The following PSME4 variants were observed in gnomAD, a reference collection of about 807,000 sequenced individuals.
The protein encoded by PSME4 is proteasome activator complex subunit 4.
A neutral mutation model predicts 253.9 loss-of-function variants in PSME4; 89 were observed. The ratio of observed to expected loss-of-function variants is 0.35; its 90% CI spans 0.30 to 0.42. PSME4 has a LOEUF of 0.42. Ranked by LOEUF, PSME4 falls within the 10% of genes least tolerant of loss-of-function variation. The probability of loss-of-function intolerance (pLI) is 1.00; values close to 1 mark genes in which losing one functional copy is unlikely to be tolerated. For synonymous variants in PSME4, 851 were observed against 759.2 expected, an observed-to-expected ratio of 1.12 and a Z score of -1.99; for missense variants, 2,014 against 2,195.2, an observed-to-expected ratio of 0.92 and a Z score of 1.65.
chr2:53,908,653 A>C (rs911895460), intron 22 of PSME4, 88 bp from the exon 23 acceptor site: 1 of 1,482,292 alleles, frequency 6.7e-7, no homozygotes, highest in African/African-American at 1.4e-5. Context: ...TCTATTAAGA[A>C]AAAAAATCAC....
rs370163648 is a variant in PSME4, at chr2:53,926,866, C to G, written c.1593+528G>C. 1.9e-4 allele frequency among the ~76,000 whole-genome samples: 29 copies of G among 150,658 alleles called. No individual in the cohort carries two copies. The East Asian group carries it at 5.7e-3, about 30-fold the overall frequency. ...GTGCATGCCTGTAGTCCCAGCTACTCGGGAGGCTGAGGCAGGAGAATTGCT... is the reference window on the plus strand; with the variant it reads ...GTGCATGCCTGTAGTCCCAGCTACTGGGGAGGCTGAGGCAGGAGAATTGCT... On this transcript the variant is annotated intron_variant, in intron 12 of 46. Transcript: ENST00000404125.
intron 7 of PSME4, among the ~76,000 whole-genome samples, chr2:53,935,400 G>A (rs1043847251): frequency 6.6e-6 from 1 of 152,134 alleles, no homozygotes; most frequent in African/African-American, 2.4e-5. Context: ...CTACTCCCCA[G>A]CTTTGCTCTA....
chr2:53,927,217 T>C (rs913647707), intron 12 of PSME4, among the ~76,000 whole-genome samples, 177 bp downstream of exon 12: 6 of 152,216 alleles, frequency 3.9e-5, no homozygotes, highest in African/African-American at 1.4e-4. Context: ...CCACCTCCTG[T>C]GGTGGGTGCT....
Position 53,936,772 on chromosome 2 carries a change from A to T in PSME4, c.751T>A (p.Trp251Arg). The T allele has an allele frequency of 6.3e-7, 1 of 1,590,844 alleles. No individual in the cohort carries two copies. Among genetic ancestry groups the T allele is most frequent in the Non-Finnish European group, 8.6e-7 (1 of 1,168,566 alleles). ...LWVSVQNLPQ[W>R]EGQLVNLFAR... ...GAAAAAGGGATACTTACCCCCTCCC[A>T]TTGTGGGAGATTTTGCACTGAAACC... Residue 251 changes from tryptophan (W) to arginine (R), a missense_variant, in exon 6 of 47, where the codon TGG becomes AGG. Physicochemically the swap from Trp to Arg is moderately radical, Grantham distance 101 (BLOSUM62 -3). Transcript: ENST00000404125.
intron 24 of PSME4, 75 bp downstream of exon 24, chr2:53,908,245 G>C: frequency 1.7e-6 from 2 of 1,201,878 alleles, no homozygotes; most frequent in East Asian, 4.9e-5. Flanking sequence ...TCTATATGCT[G>C]AATAATACCC....
intron 20 of PSME4, among the ~76,000 whole-genome samples, chr2:53,910,873 T>A (rs1667800671): frequency 6.6e-6 from 1 of 152,200 alleles, no homozygotes; most frequent in Non-Finnish European, 1.5e-5. Flanking sequence ...TGAGATTTAA[T>A]TCAAAGCTTT....
intron 20 of PSME4, among the ~76,000 whole-genome samples, chr2:53,914,276 A>T (rs1446860601): frequency 3.9e-5 from 6 of 152,152 alleles, no homozygotes; most frequent in African/African-American, 1.4e-4. Context: ...ATTAATGATG[A>T]TTTCAGGATT....
intron 1 of PSME4, among the ~76,000 whole-genome samples, chr2:53,968,717 G>A (rs1442277663): frequency 3.3e-5 from 5 of 152,064 alleles, no homozygotes; most frequent in Admixed American, 3.3e-4. Context: ...TGGGTTCATG[G>A]GTATTAAGCC....
chr2:53,965,670 G>GTT (rs200690643), intron 1 of PSME4, among the ~76,000 whole-genome samples: 1,629 of 139,272 alleles, frequency 0.012, 40 homozygotes, highest in African/African-American at 0.037. Context: ...GTGTTTTTTT[G>GTT]TTTTTTTTTT....
intron 3 of PSME4, among the ~76,000 whole-genome samples, chr2:53,947,855 A>G (rs1401413736): frequency 1.3e-5 from 2 of 151,706 alleles, no homozygotes; most frequent in African/African-American, 4.9e-5. Context: ...ATCTCTACTA[A>G]AAATACAAAC....
In PSME4 at chr2:53,897,961, G is replaced by C; in HGVS notation, c.3515C>G (p.Ser1172Cys). The change falls in exon 31 of 47, where the codon TCT (serine) becomes TGT (cysteine). Residue 1172 changes from serine (S) to cysteine (C), a missense_variant. Ser to Cys is a moderately radical substitution (Grantham distance 112, BLOSUM62 -1). Around this residue, in one of 4 missense-constraint regions of PSME4, gnomAD observed 989 missense variants for 1,021.1 expected, o/e 0.97. Coordinates refer to ENST00000404125, the MANE Select transcript of PSME4 (RefSeq NM_014614.3). ...CACTCGGTCATCTCTCAGCAGTAGA[G>C]ACAGAAGCCCAATGCCTATATGTTC... ...KFEHIGIGLL[S>C]LLLRDDRVLP... is the part of the protein sequence containing the mutation. 2 of 1,613,426 alleles carry C rather than the reference G, an allele frequency of 1.2e-6. No homozygotes were observed. Among genetic ancestry groups the C allele is most frequent in the Non-Finnish European group, 1.7e-6 (2 of 1,179,574 alleles).
chr2:53,901,895 C>T (rs1231060776), intron 27 of PSME4, among the ~76,000 whole-genome samples: 1 of 152,068 alleles, frequency 6.6e-6, no homozygotes, highest in Non-Finnish European at 1.5e-5. Context: ...GGTGAAACCT[C>T]TTCTCTATAA....
In PSME4 at chr2:53,931,850, G is replaced by C; in HGVS notation, c.1301C>G (p.Pro434Arg). 1 of 1,614,132 alleles carries C rather than the reference G, an allele frequency of 6.2e-7. No homozygotes were observed. Among genetic ancestry groups the C allele is most frequent in the African/African-American group, 1.3e-5 (1 of 75,028 alleles). ...AACCACTTACCTTTCAAGTACAGGGGGTATTACCAATTCAGGTCTCATGAG... is the reference window on the plus strand; with the variant it reads ...AACCACTTACCTTTCAAGTACAGGGCGTATTACCAATTCAGGTCTCATGAG... ...LALMRPELVI[P>R]PVLERTYPAL... The change falls in exon 10 of 47, where the codon CCC becomes CGC. Residue 434 changes from proline to arginine, a missense_variant. Coordinates refer to ENST00000404125, the MANE Select transcript of PSME4 (RefSeq NM_014614.3).
intron 41 of PSME4, among the ~76,000 whole-genome samples, chr2:53,884,497 C>T (rs149643215): frequency 6.6e-6 from 1 of 152,172 alleles, no homozygotes; most frequent in Admixed American, 6.5e-5. Flanking sequence ...GTGTGAACCA[C>T]CACACCGGGC....
At chr2:53,892,640 C>A (rs1679964020) in intron 36 of PSME4, among the ~76,000 whole-genome samples, 168 bp downstream of exon 36, 4 of 152,068 alleles carry the variant, frequency 2.6e-5, no homozygotes, top group Admixed American at 2.6e-4. Context: ...TTCCTAGAGA[C>A]CATTAGGCTG....
chr2:53,948,312 T>G, intron 3 of PSME4, 109 bp downstream of exon 3: 1 of 740,156 alleles, frequency 1.4e-6, no homozygotes, highest in Non-Finnish European at 2.4e-6. Context: ...ATAGGCACAT[T>G]AAAATATCTG....
chr2:53,953,504 A>G lies in PSME4; in HGVS notation c.243-4221T>C, dbSNP rs200533417. Among the ~76,000 whole-genome samples, 263 of 150,966 alleles carry G rather than the reference A, an allele frequency of 1.7e-3. No individual in the cohort carries two copies. The East Asian group carries it at 0.019, about 11-fold the overall frequency. On this transcript the variant is annotated intron_variant, in intron 1 of 46. Coordinates refer to ENST00000404125, the MANE Select transcript of PSME4 (RefSeq NM_014614.3). ...ATGTCTATTAAAAAAAAAAAAAAAA[A>G]AAAGAAAAAGAAGAACTATGCAGGG...
At chr2:53,967,545 G>C (rs1302412648) in intron 1 of PSME4, among the ~76,000 whole-genome samples, 1 of 148,322 alleles carries the variant, frequency 6.7e-6, no homozygotes, top group Non-Finnish European at 1.5e-5. Context: ...AGGAGGCTGA[G>C]GCAGGAGAAT....
intron 1 of PSME4, among the ~76,000 whole-genome samples, chr2:53,954,521 C>T (rs1670146986): frequency 6.6e-6 from 1 of 151,966 alleles, no homozygotes; most frequent in Non-Finnish European, 1.5e-5. Context: ...AATAAAAATC[C>T]TTCATCTAGC....
Sources: allele counts gnomAD v4.1 joint callset (sites outside exome capture counted in the v4.1 genomes callset), GRCh38; gene constraint gnomAD v4.1.1; regional missense constraint gnomAD v4.1.1; transcripts MANE v1.5; gene names NCBI Gene and HGNC (gene_info 2026-07-23, HGNC 2026-07-21).